Variants in LRPPRC observed in about 807,000 individuals in gnomAD.
LRPPRC encodes leucine rich pentatricopeptide repeat containing.
In LRPPRC, 120 loss-of-function variants were observed where a neutral mutation model predicts 180.3. The observed-to-expected ratio is 0.67, with a 90% CI of 0.57 to 0.77. The LOEUF is 0.77. Among genes scored for constraint, LRPPRC ranks in the 30% least tolerant of loss-of-function variants. The pLI is 0.00. For synonymous variants in LRPPRC, 723 were observed against 600.0 expected (o/e 1.21, Z -3.00); for missense variants, 2,012 against 1,657.2 (o/e 1.21, Z -3.72).
At chr2:43,974,898 T>C (rs754155472) in intron 7 of LRPPRC, 140 bp from the exon 8 acceptor site, 35 of 978,536 alleles carry the variant, frequency 3.6e-5, no homozygotes, top group Non-Finnish European at 5.2e-5. Context: ...AAACAGGAAA[T>C]ACTCTACTTC....
chr2:43,915,010 C>G (rs939288044), intron 29 of LRPPRC, among the ~76,000 whole-genome samples: 11 of 144,226 alleles, frequency 7.6e-5, no homozygotes, highest in Non-Finnish European at 1.5e-4. Context: ...GAGTTTGACA[C>G]CAGCCTGGCC....
intron 1 of LRPPRC, among the ~76,000 whole-genome samples, chr2:43,988,582 T>G (rs1231625735): frequency 6.6e-6 from 1 of 151,992 alleles, no homozygotes; most frequent in Non-Finnish European, 1.5e-5. Context: ...AATAGCTGTC[T>G]TATTATAGAA....
chr2:43,991,178 C>T (rs1572591543), intron 1 of LRPPRC, among the ~76,000 whole-genome samples: 1 of 151,934 alleles, frequency 6.6e-6, no homozygotes, highest in African/African-American at 2.4e-5. Context: ...TACAGGCGCC[C>T]GCCACCATTG....
chr2:43,992,653 T>C (rs1660244439), intron 1 of LRPPRC, among the ~76,000 whole-genome samples: 1 of 152,146 alleles, frequency 6.6e-6, no homozygotes. Flanking sequence ...CTAACAGGGC[T>C]TAATCATTTG....
chr2:43,944,224 C>T (rs1479771923), intron 22 of LRPPRC, among the ~76,000 whole-genome samples: 1 of 151,998 alleles, frequency 6.6e-6, no homozygotes, highest in Non-Finnish European at 1.5e-5. Context: ...TGCTAAATCA[C>T]ACCATTGTTT....
At position 43,975,231 on chromosome 2, in the gene LRPPRC, CA is replaced by C; in HGVS notation, c.738-15del. On this transcript the variant is annotated splice_polypyrimidine_tract_variant and intron_variant, in intron 6 of 37. Transcript: ENST00000260665. ...TTCTCCATATCACTACAAGTTAATT[CA>C]AAAAACAGATTATTATGCTTTTGCC... The C allele has an allele frequency of 6.2e-7, 1 of 1,609,494 alleles. No individual in the cohort carries two copies. The highest frequency in any genetic ancestry group is 8.5e-7 in the Non-Finnish European group (1 of 1,178,312).
At chr2:43,930,582 C>T (rs13027118) in intron 25 of LRPPRC, among the ~76,000 whole-genome samples, 8,199 of 152,196 alleles carry the variant, frequency 0.054, 253 homozygotes, top group South Asian at 0.098. Context: ...AGTTCATTTG[C>T]GCCCTTTCTC....
At chr2:43,904,785 GA>G (rs1297069015) in intron 31 of LRPPRC, 22 of 150,978 alleles carry the variant, frequency 1.5e-4, no homozygotes, top group Admixed American at 1.4e-3. Context: ...TTATTACAGA[GA>G]TAGGAAGCAA....
At chr2:43,951,310 G>C (rs933800765) in intron 14 of LRPPRC, among the ~76,000 whole-genome samples, 1 of 152,164 alleles carries the variant, frequency 6.6e-6, no homozygotes, top group Non-Finnish European at 1.5e-5. Flanking sequence ...GCTACAAAGA[G>C]CTTTAATTCC....
At chr2:43,909,733 C>T (rs1269389037) in intron 30 of LRPPRC, among the ~76,000 whole-genome samples, 1 of 151,838 alleles carries the variant, frequency 6.6e-6, no homozygotes, top group Admixed American at 6.6e-5. Flanking sequence ...GTATACTTAT[C>T]CCCAAACTCA....
At chr2:43,954,020 A>C (rs1159182915) in intron 14 of LRPPRC, among the ~76,000 whole-genome samples, 1 of 152,168 alleles carries the variant, frequency 6.6e-6, no homozygotes, top group Non-Finnish European at 1.5e-5. Context: ...GAAAAGAAAA[A>C]AACTCAGTAA....
Position 43,974,736 on chromosome 2 carries a change from G to T in LRPPRC, c.887C>A (p.Ser296Tyr), listed in dbSNP as rs1377836333. Residue 296 changes from serine to tyrosine, a missense_variant, in exon 8 of 38, where the codon TCC (serine) becomes TAC (tyrosine). By Grantham distance (144) the Ser-to-Tyr change is moderately radical. Coordinates refer to ENST00000260665, the MANE Select transcript of LRPPRC (RefSeq NM_133259.4). ...VKQTLEKVEK[S>Y]ELHLMDRDLL... ...ATCACGGTCCATAAGGTGAAGCTCG[G>T]ACTTCTCCACCTTCTCCAGAGTCTA... 6.2e-7 allele frequency: 1 copy of T among 1,613,410 alleles called. No individual in the cohort carries two copies. The highest frequency in any genetic ancestry group is 8.5e-7 in the Non-Finnish European group (1 of 1,179,702).
chr2:43,979,802 C>T (rs759628454), intron 3 of LRPPRC, 24 bp downstream of exon 3: 2 of 1,608,120 alleles, frequency 1.2e-6, no homozygotes, highest in Admixed American at 1.7e-5. Flanking sequence ...CTTTTATACA[C>T]ATCATATATT....
Position 43,899,520 on chromosome 2 carries a change from C to T in LRPPRC, c.3655G>A (p.Ala1219Thr), listed in dbSNP as rs866430407. The change falls in exon 33 of 38, where the codon GCA becomes ACA. Residue 1219 changes from alanine to threonine, a missense_variant. Coordinates refer to ENST00000260665, the MANE Select transcript of LRPPRC (RefSeq NM_133259.4). ...KVIEPQYFGL[A>T]YLFRKVIEEQ... is the part of the protein sequence containing the mutation. ...TCTATTACTTTTCTGAATAAGTATG[C>T]CAAGCCGAAGTATTGGGGTTCAATG... 6.2e-7 allele frequency: 1 copy of T among 1,613,496 alleles called. No individual in the cohort carries two copies. Among genetic ancestry groups the T allele is most frequent in the Non-Finnish European group, 8.5e-7 (1 of 1,179,476 alleles).
At chr2:43,936,275 G>A (rs193029347) in intron 23 of LRPPRC, among the ~76,000 whole-genome samples, 57 of 152,262 alleles carry the variant, frequency 3.7e-4, no homozygotes, top group African/African-American at 1.3e-3. Flanking sequence ...TGTCAGTTCA[G>A]TACATCTAAT....
At chr2:43,896,370 C>T (rs1308724488) in intron 35 of LRPPRC, 3 of 365,174 alleles carry the variant, frequency 8.2e-6, no homozygotes, top group East Asian at 6.4e-5. Context: ...CATGCCCAGC[C>T]TAATCTTGCA....
intron 3 of LRPPRC, among the ~76,000 whole-genome samples, chr2:43,978,407 G>C (rs1361193997): frequency 6.6e-6 from 1 of 152,152 alleles, no homozygotes; most frequent in East Asian, 1.9e-4. Context: ...TTATACAGGA[G>C]AGACCTATCT....
intron 27 of LRPPRC, among the ~76,000 whole-genome samples, chr2:43,919,930 G>GA: frequency 6.6e-6 from 1 of 151,326 alleles, no homozygotes; most frequent in Middle Eastern, 3.2e-3. Flanking sequence ...CATTTTAGAG[G>GA]AAAAATACTA....
In LRPPRC at chr2:43,911,520, C is replaced by CTTTTT. The variant is rs755010502; in HGVS notation, c.3275+911_3275+912insAAAAA. On this transcript the variant is annotated intron_variant, in intron 30 of 37. Coordinates refer to ENST00000260665, the MANE Select transcript of LRPPRC (RefSeq NM_133259.4). ...TTCCTTTTCTTTTCTTCTTCTTCTT[C>CTTTTT]TTCTTTTTTTTTTTTTTTTTTTTTG... Among the ~76,000 whole-genome samples, 80 of 113,450 alleles carry CTTTTT rather than the reference C, an allele frequency of 7.1e-4. 1 individual carries two copies. The highest frequency in any genetic ancestry group is 2.1e-3 in the East Asian group (5 of 2,330). The allele number at this position is 113,450 out of a possible 152,430, so 74.4% of individuals were successfully genotyped here. A position where few individuals can be genotyped will look rare whatever the true frequency, so the allele number is the denominator to read the frequency against.
Sources: allele counts gnomAD v4.1 joint callset (sites outside exome capture counted in the v4.1 genomes callset), GRCh38; gene constraint gnomAD v4.1.1; transcripts MANE v1.5; gene names NCBI Gene and HGNC (gene_info 2026-07-23, HGNC 2026-07-21).